GPC6: variants seen among roughly 807,000 people sequenced by gnomAD.
The protein encoded by GPC6 is glypican-6.
Under a neutral mutation model 55.2 loss-of-function variants are expected in GPC6, and 14 were observed. The observed-to-expected ratio is 0.25, with a 90% CI of 0.17 to 0.40. GPC6 has a LOEUF of 0.40. GPC6 is among the 10% of genes least tolerant of loss of function. The pLI, the probability that GPC6 is intolerant of heterozygous loss-of-function variation, is 1.00. For synonymous variants in GPC6, 278 were observed against 259.6 expected (o/e 1.07, Z -0.68); for missense variants, 641 against 708.5 (o/e 0.90, Z 1.08).
chr13:93,579,445 A>G (rs1342742522), intron 2 of GPC6, among the ~76,000 whole-genome samples: 1 of 151,932 alleles, frequency 6.6e-6, no homozygotes, highest in African/African-American at 2.4e-5. Flanking sequence ...AAGAAGGAGG[A>G]GAAAAAGGAG....
intron 3 of GPC6, among the ~76,000 whole-genome samples, chr13:94,004,470 C>G (rs1053891464): frequency 2.0e-5 from 3 of 152,134 alleles, no homozygotes; most frequent in African/African-American, 7.2e-5. Flanking sequence ...GGCAAATTGA[C>G]AAACAGCACT....
At chr13:93,880,433 G>C (rs1309801650) in intron 3 of GPC6, among the ~76,000 whole-genome samples, 1 of 152,074 alleles carries the variant, frequency 6.6e-6, no homozygotes, top group Non-Finnish European at 1.5e-5. Flanking sequence ...GATGAAATTG[G>C]AAATCATCAT....
At chr13:93,391,580 C>T (rs1392911367) in intron 1 of GPC6, among the ~76,000 whole-genome samples, 2 of 152,212 alleles carry the variant, frequency 1.3e-5, no homozygotes, top group Admixed American at 1.3e-4. Flanking sequence ...AAGATAAATA[C>T]ATAAGCATAT....
intron 2 of GPC6, among the ~76,000 whole-genome samples, chr13:93,829,831 G>C (rs566035262): frequency 6.6e-6 from 1 of 152,142 alleles, no homozygotes; most frequent in South Asian, 2.1e-4. Context: ...AATATATTTT[G>C]ATTTGAGTTT....
intron 2 of GPC6, chr13:93,818,670 G>A (rs1886944578): frequency 6.6e-6 from 1 of 152,246 alleles, no homozygotes; most frequent in Non-Finnish European, 1.5e-5. Context: ...GAGGAGAAAG[G>A]AAAAGATACC....
At chr13:94,264,532 T>C (rs1311706539) in intron 4 of GPC6, among the ~76,000 whole-genome samples, 1 of 152,206 alleles carries the variant, frequency 6.6e-6, no homozygotes, top group African/African-American at 2.4e-5. Flanking sequence ...GCATTAGATG[T>C]TGTTCTGGTC....
At chr13:94,208,627 C>A (rs1889976338) in intron 4 of GPC6, among the ~76,000 whole-genome samples, 1 of 151,868 alleles carries the variant, frequency 6.6e-6, no homozygotes, top group South Asian at 2.1e-4. Flanking sequence ...TTCTCCTTTT[C>A]CTTTTGCTTT....
intron 1 of GPC6, among the ~76,000 whole-genome samples, chr13:93,332,076 A>T (rs1267150936): frequency 2.0e-5 from 3 of 151,788 alleles, no homozygotes; most frequent in South Asian, 4.1e-4. Flanking sequence ...CATTGTGTAT[A>T]GATACCACAT....
chr13:94,214,825 C>G (rs1424558220), intron 4 of GPC6, among the ~76,000 whole-genome samples: 1 of 152,186 alleles, frequency 6.6e-6, no homozygotes, highest in Non-Finnish European at 1.5e-5. Flanking sequence ...TTTCTGTGCC[C>G]TTTGGTAGTC....
intron 1 of GPC6, among the ~76,000 whole-genome samples, chr13:93,297,359 G>T (rs1278237057): frequency 6.6e-6 from 1 of 152,114 alleles, no homozygotes. Context: ...TAATACCCAG[G>T]TGATGGGTTG....
At chr13:93,238,950 C>T (rs1423610519) in intron 1 of GPC6, among the ~76,000 whole-genome samples, 1 of 151,924 alleles carries the variant, frequency 6.6e-6, no homozygotes, top group Non-Finnish European at 1.5e-5. Context: ...TTAGTTGATC[C>T]TGGCAAATTA....
At chr13:94,276,693 G>C (rs1003375389) in intron 4 of GPC6, among the ~76,000 whole-genome samples, 8 of 152,168 alleles carry the variant, frequency 5.3e-5, no homozygotes, top group Admixed American at 3.3e-4. Flanking sequence ...TGCAGAGTTT[G>C]GTTTTCTGCA....
At chr13:94,248,411 G>A (rs9584204) in intron 4 of GPC6, among the ~76,000 whole-genome samples, 187 of 152,176 alleles carry the variant, frequency 1.2e-3, no homozygotes, top group African/African-American at 4.4e-3. Context: ...AAAATTTAAA[G>A]TAACCAACAT....
chr13:94,056,761 C>T (rs1381003655), intron 4 of GPC6, among the ~76,000 whole-genome samples: 1 of 152,138 alleles, frequency 6.6e-6, no homozygotes, highest in Non-Finnish European at 1.5e-5. Context: ...TAATTTCTCC[C>T]ATAACACTGA....
In GPC6 at chr13:94,403,302, C is replaced by A; in HGVS notation, c.*85C>A. On this transcript the variant is annotated 3_prime_UTR_variant, in exon 9 of 9. Coordinates refer to ENST00000377047, the MANE Select transcript of GPC6 (RefSeq NM_005708.5). The stretch of plus-strand genomic sequence containing the variant: ...TTTTCTTACACTCTTGGACAATGGA[C>A]CATGCCACAAAAACTTACCGTTTTC... 1.0e-6 allele frequency: 1 copy of A among 967,076 alleles called. No individual in the cohort carries two copies. The highest frequency in any genetic ancestry group is 1.6e-6 in the Non-Finnish European group (1 of 617,932). The allele number at this position is 967,076 out of a possible 1,614,324, so 59.9% of individuals were successfully genotyped here. A position where few individuals can be genotyped will look rare whatever the true frequency, so the allele number is the denominator to read the frequency against.
intron 2 of GPC6, among the ~76,000 whole-genome samples, chr13:93,554,714 G>A (rs1875362568): frequency 1.3e-5 from 2 of 152,166 alleles, no homozygotes; most frequent in Admixed American, 6.5e-5. Flanking sequence ...GAGGTAGCTG[G>A]CCTAAGCCGT....
intron 2 of GPC6, among the ~76,000 whole-genome samples, chr13:93,787,359 G>T (rs1393728954): frequency 6.6e-6 from 1 of 152,184 alleles, no homozygotes; most frequent in Non-Finnish European, 1.5e-5. Context: ...AAGCATGAAA[G>T]CAGCCACAGA....
intron 3 of GPC6, among the ~76,000 whole-genome samples, chr13:93,997,211 A>G (rs1181164692): frequency 6.6e-6 from 1 of 152,176 alleles, no homozygotes; most frequent in Admixed American, 6.5e-5. Context: ...GAATGTTTTT[A>G]TTGGCTCTTA....
intron 6 of GPC6, among the ~76,000 whole-genome samples, chr13:94,330,336 C>T (rs1295502953): frequency 6.6e-6 from 1 of 152,144 alleles, no homozygotes; most frequent in African/African-American, 2.4e-5. Context: ...TTCTCTGAGC[C>T]TCTAACTCAG....
Sources: allele counts gnomAD v4.1 joint callset (sites outside exome capture counted in the v4.1 genomes callset), GRCh38; gene constraint gnomAD v4.1.1; transcripts MANE v1.5; gene names NCBI Gene and HGNC (gene_info 2026-07-23, HGNC 2026-07-21).